The following KCNIP4 variants were observed in gnomAD, a reference collection of about 807,000 sequenced individuals.
The protein encoded by KCNIP4 is potassium voltage-gated channel interacting protein 4, also known as Kv channel-interacting protein 4.
Under a neutral mutation model 34.0 loss-of-function variants are expected in KCNIP4, and 12 were observed. The observed-to-expected ratio is 0.35, with a 90% CI of 0.23 to 0.57. The LOEUF (loss-of-function observed/expected upper bound fraction) is 0.57, where lower values mean the gene tolerates loss of function less well. Ranked by LOEUF, KCNIP4 falls within the 20% of genes least tolerant of loss-of-function variation. The pLI, the probability that KCNIP4 is intolerant of heterozygous loss-of-function variation, is 0.83. For missense variants in KCNIP4, 238 were observed against 311.7 expected, an observed-to-expected ratio of 0.76 and a Z score of 1.78; for synonymous variants, 124 against 102.2, an observed-to-expected ratio of 1.21 and a Z score of -1.29.
In KCNIP4 at chr4:21,207,220, G is replaced by C. The variant is rs187575074; in HGVS notation, c.62-324511C>G. ...TATAAGTTATAATGTATTAGAAAAA[G>C]GATATTTTAAAATGTAAGAGAAAAC... On this transcript the variant is annotated intron_variant, in intron 1 of 8. Coordinates refer to ENST00000382152, the MANE Select transcript of KCNIP4 (RefSeq NM_025221.6). Among the ~76,000 whole-genome samples the C allele has an allele frequency of 1.9e-3, 291 of 152,140 alleles. 1 individual carries two copies. The highest frequency in any genetic ancestry group is 3.0e-3 in the Non-Finnish European group (202 of 67,998).
At chr4:21,040,768 A>G (rs557393859) in intron 1 of KCNIP4, among the ~76,000 whole-genome samples, 2 of 152,230 alleles carry the variant, frequency 1.3e-5, no homozygotes, top group African/African-American at 4.8e-5. Context: ...CAGGCACCCA[A>G]AACACAAAAA....
intron 1 of KCNIP4, among the ~76,000 whole-genome samples, chr4:21,101,510 G>A (rs990955892): frequency 6.6e-6 from 1 of 152,138 alleles, no homozygotes; most frequent in Non-Finnish European, 1.5e-5. Flanking sequence ...AAGAGTGCAA[G>A]TATATATTCT....
intron 1 of KCNIP4, among the ~76,000 whole-genome samples, chr4:21,835,120 T>C (rs1293252535): frequency 2.0e-5 from 3 of 152,066 alleles, no homozygotes; most frequent in Non-Finnish European, 2.9e-5. Context: ...TTTAAAACTT[T>C]CAGGAAAAAA....
intron 1 of KCNIP4, among the ~76,000 whole-genome samples, chr4:21,944,412 G>A (rs1393894735): frequency 1.3e-5 from 2 of 151,584 alleles, no homozygotes; most frequent in Non-Finnish European, 2.9e-5. Flanking sequence ...AAAATTAGTC[G>A]GGCATGGTGG....
intron 1 of KCNIP4, among the ~76,000 whole-genome samples, chr4:21,071,568 C>T (rs140314534): frequency 1.2e-3 from 179 of 152,248 alleles, no homozygotes; most frequent in African/African-American, 4.2e-3. Flanking sequence ...GTATACTTGG[C>T]TGTCTATACA....
rs926128477 is a variant in KCNIP4 at position 20,728,613 on chromosome 4, A to G, written c.*1469T>C. On this transcript the variant is annotated 3_prime_UTR_variant, in exon 9 of 9. Transcript: ENST00000382152. Reference sequence around the variant, plus strand: ...GACCTGTAACATAGACAGTAGAGTTATAAACATTTTATTTTGCTTTTATTT... The same window carrying G: ...GACCTGTAACATAGACAGTAGAGTTGTAAACATTTTATTTTGCTTTTATTT... The G allele has an allele frequency of 6.6e-6, 1 of 152,638 alleles. No homozygotes were observed. Among genetic ancestry groups the G allele is most frequent in the Non-Finnish European group, 1.5e-5 (1 of 68,034 alleles). The allele number at this position is 152,638 out of a possible 1,614,324, so 9.5% of individuals were successfully genotyped here.
rs925083853 is a variant in KCNIP4 at position 21,710,547 on chromosome 4, T to G, written c.61+238024A>C. 2.0e-5 allele frequency among the ~76,000 whole-genome samples: 3 copies of G among 152,156 alleles called. No homozygotes were observed. In the East Asian group the frequency reaches 5.8e-4, roughly 29 times the overall value. ...TGCAGAAGATGTTGTACTAAAAGCT[T>G]TTTTAAATGCATGCTGCAAATTCAT... On this transcript the variant is annotated intron_variant, in intron 1 of 8. Coordinates refer to ENST00000382152, the MANE Select transcript of KCNIP4 (RefSeq NM_025221.6).
chr4:20,910,406 G>A, intron 1 of KCNIP4, among the ~76,000 whole-genome samples: 1 of 152,010 alleles, frequency 6.6e-6, no homozygotes. Context: ...TTACCCAACA[G>A]ATCTATCACA....
rs374647082 is a variant in KCNIP4 at position 21,597,939 on chromosome 4, CAGAAG to C, written c.61+350627_61+350631del. Among the ~76,000 whole-genome samples, 895 of 152,016 alleles carry C rather than the reference CAGAAG, an allele frequency of 5.9e-3. 14 individuals are homozygous for C. The highest frequency in any genetic ancestry group is 0.02 in the African/African-American group (840 of 41,484). On this transcript the variant is annotated intron_variant, in intron 1 of 8. Transcript: ENST00000382152. ...ATAAAGGAGAGAAAGAAAAAGACAA[CAGAAG>C]AGAAAAGAAAAAATGCATTTTAAGA...
At chr4:21,600,941 A>G (rs948709462) in intron 1 of KCNIP4, among the ~76,000 whole-genome samples, 2 of 152,130 alleles carry the variant, frequency 1.3e-5, no homozygotes, top group South Asian at 4.1e-4. Context: ...CAATATCACC[A>G]ACACAAACCT....
At chr4:20,936,853 T>C (rs896947492) in intron 1 of KCNIP4, among the ~76,000 whole-genome samples, 1 of 152,184 alleles carries the variant, frequency 6.6e-6, no homozygotes, top group Non-Finnish European at 1.5e-5. Context: ...ACCACAGTTA[T>C]TAAAGACAGA....
At chr4:21,465,119 C>G (rs765607455) in intron 1 of KCNIP4, among the ~76,000 whole-genome samples, 18 of 152,028 alleles carry the variant, frequency 1.2e-4, no homozygotes, top group Non-Finnish European at 2.1e-4. Context: ...AGAAGAAGAA[C>G]ATTACTGCTT....
intron 1 of KCNIP4, among the ~76,000 whole-genome samples, chr4:21,617,638 T>C (rs1744697620): frequency 1.3e-5 from 2 of 152,206 alleles, no homozygotes; most frequent in South Asian, 4.1e-4. Flanking sequence ...TCCTCCTTAA[T>C]CCAATATTTA....
chr4:20,815,092 T>C (rs1716215340), intron 3 of KCNIP4, among the ~76,000 whole-genome samples: 1 of 152,208 alleles, frequency 6.6e-6, no homozygotes, highest in South Asian at 2.1e-4. Flanking sequence ...TACTACTGGC[T>C]GATCAACTTA....
At chr4:20,948,738 T>C (rs1009987242) in intron 1 of KCNIP4, among the ~76,000 whole-genome samples, 3 of 152,244 alleles carry the variant, frequency 2.0e-5, no homozygotes, top group African/African-American at 7.2e-5. Flanking sequence ...ACTGTATTAT[T>C]GGAGATGACT....
intron 1 of KCNIP4, among the ~76,000 whole-genome samples, chr4:21,370,652 C>T (rs183271775): frequency 1.4e-5 from 2 of 140,560 alleles, no homozygotes; most frequent in African/African-American, 3.1e-5. Context: ...AGATGATATG[C>T]GGACATATAA....
intron 1 of KCNIP4, among the ~76,000 whole-genome samples, chr4:21,930,856 T>A (rs1224965246): frequency 6.6e-6 from 1 of 152,176 alleles, no homozygotes; most frequent in African/African-American, 2.4e-5. Flanking sequence ...CTTGTCCACA[T>A]GTCCCTCTCT....
chr4:21,595,106 C>T (rs1742537344), intron 1 of KCNIP4, among the ~76,000 whole-genome samples: 4 of 152,094 alleles, frequency 2.6e-5, no homozygotes, highest in Non-Finnish European at 5.9e-5. Flanking sequence ...GTCCCACATA[C>T]ATTAGCTATT....
intron 1 of KCNIP4, among the ~76,000 whole-genome samples, chr4:21,833,353 A>C (rs1723113071): frequency 6.6e-6 from 1 of 151,930 alleles, no homozygotes; most frequent in African/African-American, 2.4e-5. Context: ...GATGGTGAGC[A>C]TTTTTTCATG....
Sources: allele counts gnomAD v4.1 joint callset (sites outside exome capture counted in the v4.1 genomes callset), GRCh38; gene constraint gnomAD v4.1.1; transcripts MANE v1.5; gene names NCBI Gene and HGNC (gene_info 2026-07-23, HGNC 2026-07-21).